The following ABHD12 variants were observed in gnomAD, a reference collection of about 807,000 sequenced individuals.
ABHD12 encodes the protein lysophosphatidylserine lipase ABHD12.
Under a neutral mutation model 58.3 loss-of-function variants are expected in ABHD12, and 43 were observed. That is an observed-to-expected ratio of 0.74 (90% CI 0.58 to 0.95). The LOEUF is 0.95. ABHD12 is among the 40% of genes least tolerant of loss of function. ABHD12 has a pLI of 0.00. For missense variants in ABHD12, 539 were observed against 537.2 expected, an observed-to-expected ratio of 1.00 and a Z score of -0.03; for synonymous variants, 219 against 211.2, an observed-to-expected ratio of 1.04 and a Z score of -0.32.
Position 25,300,790 on chromosome 20 carries a change from T to C in ABHD12, c.*55A>G. ...GGCTTCAGGATACCGGGCTGCTGAC[T>C]GGAGGAAAACGGGAGGAGGGCAGAG... On this transcript the variant is annotated 3_prime_UTR_variant, in exon 13 of 13. Coordinates refer to ENST00000339157, the MANE Select transcript of ABHD12 (RefSeq NM_001042472.3). 3.7e-6 allele frequency: 6 copies of C among 1,613,594 alleles called. No individual in the cohort carries two copies. The highest frequency in any genetic ancestry group is 5.1e-6 in the Non-Finnish European group (6 of 1,179,800).
chr20:25,317,892 C>CT, intron 4 of ABHD12, among the ~76,000 whole-genome samples: 1 of 152,200 alleles, frequency 6.6e-6, no homozygotes, highest in African/African-American at 2.4e-5. Flanking sequence ...GGCGGGTCCA[C>CT]ACTCTCCACA....
At chr20:25,298,269 G>T (rs3002701), downstream of ABHD12, among the ~76,000 whole-genome samples, 172 of 52,076 alleles carry the variant, frequency 3.3e-3, 1 homozygote, top group East Asian at 0.1. Flanking sequence ...GGCTAGTTTT[G>T]TTTTTTTGTT....
chr20:25,296,509 T>C (rs776857570), downstream of ABHD12: 2 of 1,612,958 alleles, frequency 1.2e-6, no homozygotes, highest in East Asian at 4.5e-5. Context: ...CCCCCCAACA[T>C]CCCCCGGGAC....
chr20:25,339,170 C>T, intron 2 of ABHD12, 57 bp downstream of exon 2: 2 of 1,607,392 alleles, frequency 1.2e-6, no homozygotes, highest in Non-Finnish European at 1.7e-6. Context: ...AATCAGACAT[C>T]ACCATGAAAA....
At chr20:25,323,278 G>C (rs777895781) in intron 3 of ABHD12, 47 bp downstream of exon 3, 1 of 1,181,866 alleles carries the variant, frequency 8.5e-7, no homozygotes. Context: ...AGTCATGTAG[G>C]GTCCTTTCCT....
intron 1 of ABHD12, among the ~76,000 whole-genome samples, chr20:25,369,678 T>C (rs186328969): frequency 1.6e-3 from 238 of 152,328 alleles, no homozygotes; most frequent in Non-Finnish European, 2.1e-3. Flanking sequence ...AGCACTGATG[T>C]TGTGTCCACA....
chr20:25,336,171 C>T (rs369718279), intron 2 of ABHD12, among the ~76,000 whole-genome samples: 28 of 151,924 alleles, frequency 1.8e-4, no homozygotes, highest in African/African-American at 6.8e-4. Flanking sequence ...ACTGTGCATA[C>T]AAGTATTGAA....
chr20:25,340,821 G>T (rs527256552), intron 1 of ABHD12, among the ~76,000 whole-genome samples: 4 of 152,336 alleles, frequency 2.6e-5, no homozygotes, highest in Admixed American at 2.6e-4. Flanking sequence ...CAGAACAGAG[G>T]TTGCTGAGGC....
intron 1 of ABHD12, among the ~76,000 whole-genome samples, chr20:25,340,253 T>C (rs946835808): frequency 2.6e-5 from 4 of 152,248 alleles, no homozygotes; most frequent in African/African-American, 9.6e-5. Context: ...TACATGTTGC[T>C]ATAAACAATA....
intron 2 of ABHD12, among the ~76,000 whole-genome samples, chr20:25,331,160 G>A (rs1218653338): frequency 4.6e-5 from 7 of 152,222 alleles, no homozygotes; most frequent in Non-Finnish European, 1.0e-4. Context: ...AGAACTACGT[G>A]AAGAATGCAG....
intron 5 of ABHD12, 23 bp from the exon 6 acceptor site, chr20:25,314,993 C>A (rs1300897329): frequency 1.9e-6 from 3 of 1,614,064 alleles, no homozygotes; most frequent in African/African-American, 1.3e-5. Context: ...AAATAAACAT[C>A]TTTGGCAACA....
At chr20:25,322,146 G>A (rs1187044795) in intron 3 of ABHD12, among the ~76,000 whole-genome samples, 4 of 151,920 alleles carry the variant, frequency 2.6e-5, no homozygotes, top group African/African-American at 7.3e-5. Flanking sequence ...TTTTAATTCA[G>A]CTGTTCAGAA....
intron 1 of ABHD12, among the ~76,000 whole-genome samples, chr20:25,366,750 T>C (rs1292872022): frequency 1.3e-5 from 2 of 152,224 alleles, no homozygotes; most frequent in Non-Finnish European, 2.9e-5. Context: ...CCCAAAAACC[T>C]TTATTAACAA....
chr20:25,370,927 C>T (rs956981363), intron 1 of ABHD12, among the ~76,000 whole-genome samples: 4 of 151,550 alleles, frequency 2.6e-5, no homozygotes, highest in African/African-American at 9.7e-5. Context: ...TCAAGCAATC[C>T]TCCTTCCTCA....
At chr20:25,338,894 A>G (rs751060028) in intron 2 of ABHD12, 107 of 1,146,080 alleles carry the variant, frequency 9.3e-5, no homozygotes, top group African/African-American at 1.1e-4. Context: ...CCTCAGCTGA[A>G]GACAGATACG....
intron 1 of ABHD12, among the ~76,000 whole-genome samples, chr20:25,382,750 C>A (rs984071917): frequency 2.3e-4 from 35 of 152,130 alleles, no homozygotes; most frequent in African/African-American, 8.5e-4. Context: ...CCATAGAAGG[C>A]GGACACTCCC....
chr20:25,315,094 A>C, intron 5 of ABHD12, 124 bp from the exon 6 acceptor site: 2 of 1,007,210 alleles, frequency 2.0e-6, no homozygotes, highest in Non-Finnish European at 3.1e-6. Context: ...CAGCTTCATA[A>C]AGACTGTGAC....
intron 2 of ABHD12, among the ~76,000 whole-genome samples, chr20:25,323,861 G>C (rs908862890): frequency 3.9e-5 from 6 of 152,182 alleles, no homozygotes; most frequent in Admixed American, 3.9e-4. Flanking sequence ...TCAGGTGCCT[G>C]GTGGAGTGGG....
intron 6 of ABHD12, 97 bp downstream of exon 6, chr20:25,314,828 G>A: frequency 1.5e-6 from 2 of 1,352,490 alleles, no homozygotes; most frequent in Non-Finnish European, 2.1e-6. Context: ...AGCAGGCGCT[G>A]GCCTTGCTCC....
Sources: gnomAD v4.1 joint callset for allele counts (sites outside exome capture counted in the v4.1 genomes callset) on GRCh38, gnomAD v4.1.1 for gene constraint, MANE v1.5 for transcripts, NCBI Gene and HGNC (gene_info 2026-07-23, HGNC 2026-07-21) for gene names.